STAT3: variants seen among roughly 807,000 people sequenced by gnomAD.
STAT3 encodes DNA-binding protein APRF.
In STAT3, 7 loss-of-function variants were observed where a neutral mutation model predicts 114.3. The observed-to-expected ratio is 0.06, with a 90% confidence interval of 0.03 to 0.11. STAT3 has a LOEUF of 0.11. STAT3 is among the 10% of genes least tolerant of loss of function. The pLI is 1.00. For synonymous variants in STAT3, 331 were observed against 354.5 expected (o/e 0.93, Z 0.74); for missense variants, 364 against 960.9 (o/e 0.38, Z 8.21).
At chr17:42,348,171 C>T (rs189329445) in intron 2 of STAT3, among the ~76,000 whole-genome samples, 11 of 152,260 alleles carry the variant, frequency 7.2e-5, no homozygotes, top group East Asian at 1.9e-4. Flanking sequence ...ACCATACAGG[C>T]GGTTTCAATG....
At chr17:42,383,258 T>C (rs2084902818) in intron 1 of STAT3, among the ~76,000 whole-genome samples, 3 of 152,138 alleles carry the variant, frequency 2.0e-5, no homozygotes, top group East Asian at 1.9e-4. Flanking sequence ...GGTTTTACCA[T>C]GTTGGCCAGG....
chr17:42,367,840 G>T (rs1178488400), intron 1 of STAT3, among the ~76,000 whole-genome samples: 1 of 152,100 alleles, frequency 6.6e-6, no homozygotes, highest in African/African-American at 2.4e-5. Context: ...TTGAATAAAT[G>T]AATGAAAATT....
intron 8 of STAT3, among the ~76,000 whole-genome samples, chr17:42,334,493 G>A (rs1176901828): frequency 6.9e-6 from 1 of 145,062 alleles, no homozygotes; most frequent in Admixed American, 7.0e-5. Context: ...TGCCCAGGCT[G>A]GAGTGCAGTG....
intron 1 of STAT3, among the ~76,000 whole-genome samples, chr17:42,349,513 T>C (rs961368176): frequency 6.6e-6 from 1 of 152,344 alleles, no homozygotes; most frequent in Admixed American, 6.5e-5. Context: ...GGTTTAAAAG[T>C]ATAAATGAGG....
At chr17:42,338,620 C>T (rs1234655577) in intron 6 of STAT3, 111 bp downstream of exon 6, 3 of 1,051,146 alleles carry the variant, frequency 2.9e-6, no homozygotes, top group Non-Finnish European at 4.4e-6. Context: ...CCGTACCTCC[C>T]TTGCGCCCCG....
At chr17:42,344,772 G>C (rs1026410211) in intron 4 of STAT3, among the ~76,000 whole-genome samples, 1 of 150,322 alleles carries the variant, frequency 6.7e-6, no homozygotes, top group Non-Finnish European at 1.5e-5. Flanking sequence ...AGCTGGTCTC[G>C]AACTCCTGAG....
chr17:42,339,255 C>CAAA (rs397712608), intron 5 of STAT3, 59 bp downstream of exon 5: 415 of 1,344,528 alleles, frequency 3.1e-4, no homozygotes, highest in African/African-American at 1.0e-3. Context: ...GACCCTGTCT[C>CAAA]AAAAAAAAAA....
intron 1 of STAT3, among the ~76,000 whole-genome samples, chr17:42,382,594 C>T (rs1180450336): frequency 1.3e-5 from 2 of 152,188 alleles, no homozygotes; most frequent in Non-Finnish European, 2.9e-5. Flanking sequence ...TGACGCAATA[C>T]CTGGCTCTCA....
rs117340711 is a variant in STAT3 at position 42,318,640 on chromosome 17, G to T, written c.2102-1416C>A. 1.6e-3 allele frequency among the ~76,000 whole-genome samples: 240 copies of T among 152,294 alleles called. 3 individuals carry two copies. In the East Asian group the frequency reaches 0.043, roughly 27 times the overall value. On this transcript the variant is annotated intron_variant, in intron 21 of 23. Transcript: ENST00000264657. ...ACTGGCATGAAATCTGGGGAATTCA[G>T]GTGAACAAACCATTGAGAAGGCATG...
chr17:42,347,534 T>C (rs2082753722), intron 2 of STAT3, among the ~76,000 whole-genome samples: 1 of 152,182 alleles, frequency 6.6e-6, no homozygotes, highest in Admixed American at 6.6e-5. Context: ...TCTGTGCCAT[T>C]ATCTGCTCTA....
intron 23 of STAT3, chr17:42,316,538 A>T: frequency 9.7e-7 from 1 of 1,035,714 alleles, no homozygotes; most frequent in Non-Finnish European, 1.4e-6. Flanking sequence ...CTGAAATGTT[A>T]AATTGAGAGT....
At position 42,345,785 on chromosome 17, in the gene STAT3, G is replaced by C. The variant is rs17884756; in HGVS notation, c.274-128C>G. The C allele has an allele frequency of 3.4e-3, 3,241 of 950,376 alleles. 58 individuals are homozygous for C. Among genetic ancestry groups the C allele is most frequent in the African/African-American group, 0.034 (2,063 of 61,382 alleles). The allele number at this position is 950,376 out of a possible 1,614,324, so 58.9% of individuals were successfully genotyped here. A position where few individuals can be genotyped will look rare whatever the true frequency, so the allele number is the denominator to read the frequency against. On this transcript the variant is annotated intron_variant, in intron 3 of 23. Transcript: ENST00000264657. ...TATTCTAGGAAACAACGGAACAAAG[G>C]CTTCAGAGCCTGGGTGAAGGCTCTC... is the stretch of plus-strand genomic sequence containing the variant.
At chr17:42,345,943 G>A (rs565449400) in intron 3 of STAT3, among the ~76,000 whole-genome samples, 4 of 148,098 alleles carry the variant, frequency 2.7e-5, no homozygotes, top group South Asian at 2.2e-4. Flanking sequence ...GCGCAATCAC[G>A]GCTTATTGCA....
At chr17:42,331,939 T>G (rs1360018324) in intron 10 of STAT3, among the ~76,000 whole-genome samples, 1 of 151,790 alleles carries the variant, frequency 6.6e-6, no homozygotes, top group Non-Finnish European at 1.5e-5. Context: ...CTTTCTCTTT[T>G]TTTTTTTTTG....
chr17:42,357,710 A>C (rs922546606), intron 1 of STAT3, among the ~76,000 whole-genome samples: 1 of 152,142 alleles, frequency 6.6e-6, no homozygotes, highest in East Asian at 1.9e-4. Context: ...TAAATACTGT[A>C]GCTTTAAACT....
At chr17:42,331,287 A>AC (rs1026758889) in intron 11 of STAT3, among the ~76,000 whole-genome samples, 185 bp downstream of exon 11, 11 of 152,102 alleles carry the variant, frequency 7.2e-5, no homozygotes, top group African/African-American at 2.4e-4. Context: ...TCAAATCTGT[A>AC]CCCCCAGCTT....
chr17:42,332,005 G>A (rs150583344), intron 10 of STAT3, among the ~76,000 whole-genome samples: 3 of 151,184 alleles, frequency 2.0e-5, no homozygotes, highest in Non-Finnish European at 4.4e-5. Context: ...TCCGTTCACC[G>A]CAACCTCCGC....
chr17:42,326,038 T>C, intron 15 of STAT3, 78 bp downstream of exon 15: 1 of 1,281,878 alleles, frequency 7.8e-7, no homozygotes, highest in Non-Finnish European at 1.1e-6. Context: ...CACCTTCTCT[T>C]GTAAAAATCC....
At chr17:42,363,810 C>T (rs1018036565) in intron 1 of STAT3, among the ~76,000 whole-genome samples, 1 of 151,968 alleles carries the variant, frequency 6.6e-6, no homozygotes, top group Non-Finnish European at 1.5e-5. Context: ...CTCCTTGCCC[C>T]CCACCCACAG....
Sources: gnomAD v4.1 joint callset for allele counts (sites outside exome capture counted in the v4.1 genomes callset) on GRCh38, gnomAD v4.1.1 for gene constraint, MANE v1.5 for transcripts, NCBI Gene and HGNC (gene_info 2026-07-23, HGNC 2026-07-21) for gene names.